Variants in DDX10 observed in about 807,000 individuals in gnomAD.
DDX10 encodes DEAD-box helicase 10, also known as probable ATP-dependent RNA helicase DDX10.
DDX10 carries 74 observed loss-of-function variants against 104.3 expected under a neutral mutation model. That is an observed-to-expected ratio of 0.71 (90% confidence interval 0.59 to 0.86). The LOEUF (loss-of-function observed/expected upper bound fraction) is 0.86, where lower values mean the gene tolerates loss of function less well. Ranked by LOEUF, DDX10 falls within the 40% of genes least tolerant of loss-of-function variation. The pLI is 0.00. For missense variants in DDX10, 952 were observed against 1,040.0 expected, an observed-to-expected ratio of 0.92 and a Z score of 1.16; for synonymous variants, 351 against 353.4, an observed-to-expected ratio of 0.99 and a Z score of 0.08.
At chr11:108,811,680 G>A (rs773660603) in intron 13 of DDX10, among the ~76,000 whole-genome samples, 4 of 152,030 alleles carry the variant, frequency 2.6e-5, no homozygotes. Flanking sequence ...CATCCAACAT[G>A]CTTGCCTTTT....
chr11:108,723,307 G>A lies in DDX10; in HGVS notation c.1810G>A (p.Ala604Thr), dbSNP rs2094301039. The change falls in exon 13 of 18, where the codon GCC (alanine) becomes ACC (threonine). Residue 604 changes from alanine to threonine, a missense_variant. Around this residue, in one of 3 missense-constraint regions of DDX10, gnomAD observed 533 missense variants for 534.1 expected, o/e 1.00. Transcript: ENST00000322536. Reference protein sequence around the residue: ...EKLAKAKGSQAPSLPNTSEAQ... With the variant: ...EKLAKAKGSQTPSLPNTSEAQ... ...ACTGGCAAAAGCAAAAGGATCTCAA[G>A]CCCCATCTCTTCCTAACACCAGTGA... The A allele has an allele frequency of 3.1e-6, 5 of 1,613,900 alleles. No homozygotes were observed. The highest frequency in any genetic ancestry group is 4.2e-6 in the Non-Finnish European group (5 of 1,179,916).
intron 3 of DDX10, among the ~76,000 whole-genome samples, chr11:108,676,384 T>C (rs2094225184): frequency 6.6e-6 from 1 of 152,204 alleles, no homozygotes; most frequent in African/African-American, 2.4e-5. Context: ...AAAGGCTCCC[T>C]ATAGCTAGAT....
chr11:108,682,100 T>C (rs1309568278), intron 6 of DDX10, among the ~76,000 whole-genome samples: 1 of 152,172 alleles, frequency 6.6e-6, no homozygotes, highest in Non-Finnish European at 1.5e-5. Flanking sequence ...AATTCTTTTT[T>C]GCCTTAAAGT....
At chr11:108,806,596 A>C (rs1373043194) in intron 13 of DDX10, among the ~76,000 whole-genome samples, 1 of 152,222 alleles carries the variant, frequency 6.6e-6, no homozygotes, top group Non-Finnish European at 1.5e-5. Context: ...CAGTACAGTG[A>C]GCACTGTGAA....
chr11:108,741,692 C>T (rs1050055065), intron 13 of DDX10, among the ~76,000 whole-genome samples: 1 of 152,130 alleles, frequency 6.6e-6, no homozygotes, highest in Non-Finnish European at 1.5e-5. Context: ...GATCAAGGAG[C>T]TTTTGGACAG....
chr11:108,709,377 T>C (rs2094280924), intron 10 of DDX10, among the ~76,000 whole-genome samples: 1 of 152,280 alleles, frequency 6.6e-6, no homozygotes, highest in East Asian at 1.9e-4. Flanking sequence ...ATTTCTTTCT[T>C]AAATGTTTGG....
chr11:108,824,002 T>C (rs1449137776), intron 13 of DDX10, among the ~76,000 whole-genome samples: 4 of 152,146 alleles, frequency 2.6e-5, no homozygotes, highest in Non-Finnish European at 4.4e-5. Context: ...AAGAGAAGTA[T>C]ATCATAGTGT....
At chr11:108,765,101 T>C (rs1459994995) in intron 13 of DDX10, among the ~76,000 whole-genome samples, 1 of 152,232 alleles carries the variant, frequency 6.6e-6, no homozygotes, top group Non-Finnish European at 1.5e-5. Flanking sequence ...AATTTCTTTA[T>C]AGACCTGAAA....
chr11:108,762,106 T>TA (rs560976664), intron 13 of DDX10, among the ~76,000 whole-genome samples: 245 of 152,288 alleles, frequency 1.6e-3, no homozygotes, highest in African/African-American at 5.5e-3. Flanking sequence ...CTAGATCTCT[T>TA]AACTCCCTTC....
intron 14 of DDX10, among the ~76,000 whole-genome samples, chr11:108,839,651 G>C (rs1233537725): frequency 6.6e-6 from 1 of 152,158 alleles, no homozygotes; most frequent in Non-Finnish European, 1.5e-5. Context: ...TAATTTTGGA[G>C]TTAAAGTTTT....
chr11:108,821,176 A>G (rs1335820997), intron 13 of DDX10, among the ~76,000 whole-genome samples: 3 of 152,240 alleles, frequency 2.0e-5, no homozygotes, highest in Admixed American at 2.0e-4. Context: ...AGAAACATCA[A>G]CAAAGGGCTG....
At chr11:108,749,283 G>A (rs1422875490) in intron 13 of DDX10, among the ~76,000 whole-genome samples, 1 of 152,052 alleles carries the variant, frequency 6.6e-6, no homozygotes, top group East Asian at 1.9e-4. Flanking sequence ...CGCTCCATGT[G>A]TGAAACAGGG....
At chr11:108,877,270 C>A (rs769383061) in intron 16 of DDX10, among the ~76,000 whole-genome samples, 2 of 152,074 alleles carry the variant, frequency 1.3e-5, no homozygotes, top group South Asian at 2.1e-4. Flanking sequence ...ATTTATGATT[C>A]TTTGAAAGTC....
chr11:108,921,964 A>T (rs928997506), intron 17 of DDX10: 3 of 148,526 alleles, frequency 2.0e-5, no homozygotes, highest in Non-Finnish European at 4.4e-5. Flanking sequence ...AGAGAGAGAG[A>T]GCCGAGCACA....
Position 108,701,675 on chromosome 11 carries a change from C to CTTTTTT in DDX10, c.1224-5044_1224-5039dup, listed in dbSNP as rs55916940. ...GGTGTTTTTTCTTTCTTCTTCTTCT[C>CTTTTTT]TTTTTTTTTTTTTTTTTTTTTTTTT... is the stretch of plus-strand genomic sequence containing the variant. On this transcript the variant is annotated intron_variant, in intron 9 of 17. Coordinates refer to ENST00000322536, the MANE Select transcript of DDX10 (RefSeq NM_004398.4). 5.2e-3 allele frequency among the ~76,000 whole-genome samples: 402 copies of CTTTTTT among 77,390 alleles called. 11 individuals carry two copies. The highest frequency in any genetic ancestry group is 0.031 in the East Asian group (69 of 2,244). 50.8% of individuals were successfully genotyped at this position (77,390 alleles called of 152,430 possible).
intron 13 of DDX10, among the ~76,000 whole-genome samples, chr11:108,735,099 A>G (rs998287486): frequency 1.3e-5 from 2 of 152,152 alleles, no homozygotes; most frequent in African/African-American, 4.8e-5. Flanking sequence ...GTTCTTTTCA[A>G]TGCATATTTT....
intron 16 of DDX10, among the ~76,000 whole-genome samples, chr11:108,883,061 T>C (rs1159581884): frequency 6.6e-6 from 1 of 152,052 alleles, no homozygotes; most frequent in Admixed American, 6.6e-5. Context: ...TGTTACGGGG[T>C]TTTTCCCCCC....
chr11:108,730,849 GTT>G (rs66875438), intron 13 of DDX10, among the ~76,000 whole-genome samples: 13 of 148,782 alleles, frequency 8.7e-5, no homozygotes, highest in East Asian at 2.0e-4. Flanking sequence ...GTACCTGCAT[GTT>G]TTTTTTTTTT....
intron 17 of DDX10, among the ~76,000 whole-genome samples, chr11:108,937,131 A>T (rs1252156052): frequency 1.3e-5 from 2 of 152,174 alleles, no homozygotes; most frequent in Admixed American, 1.3e-4. Flanking sequence ...GACCCAGAAG[A>T]GGGAGGTGCC....
Sources: gnomAD v4.1 joint callset for allele counts (sites outside exome capture counted in the v4.1 genomes callset) on GRCh38, gnomAD v4.1.1 for gene constraint, gnomAD v4.1.1 regional missense constraint, MANE v1.5 for transcripts, NCBI Gene and HGNC (gene_info 2026-07-23, HGNC 2026-07-21) for gene names.